DENND5A: variants seen among roughly 807,000 people sequenced by gnomAD.
The protein encoded by DENND5A is DENN domain-containing protein 5A.
A neutral mutation model predicts 140.3 loss-of-function variants in DENND5A; 64 were observed. That is an observed-to-expected ratio of 0.46 (90% CI 0.37 to 0.56). DENND5A has a LOEUF of 0.56. Among genes scored for constraint, DENND5A ranks in the 20% least tolerant of loss-of-function variants. DENND5A has a pLI of 0.00. For synonymous variants in DENND5A, 605 were observed against 607.7 expected (o/e 1.00, Z 0.07); for missense variants, 1,292 against 1,593.8 (o/e 0.81, Z 3.22).
intron 1 of DENND5A, among the ~76,000 whole-genome samples, chr11:9,251,107 C>G (rs1373820172): frequency 6.7e-6 from 1 of 149,858 alleles, no homozygotes; most frequent in Non-Finnish European, 1.5e-5. Flanking sequence ...TGCACTCCAG[C>G]CTGGGCAAGA....
intron 11 of DENND5A, among the ~76,000 whole-genome samples, chr11:9,164,056 GTTTTTTTTTTTTTTTT>G (rs768604681): frequency 6.4e-4 from 37 of 57,980 alleles, no homozygotes; most frequent in African/African-American, 2.2e-3. Flanking sequence ...TATTAATCAG[GTTTTTTTTTTTTTTTT>G]TTTTTTTTTT....
intron 1 of DENND5A, among the ~76,000 whole-genome samples, chr11:9,208,115 A>C (rs1003690649): frequency 6.6e-6 from 1 of 152,230 alleles, no homozygotes; most frequent in Non-Finnish European, 1.5e-5. Context: ...AGTGAAATCT[A>C]TACCTGTTTA....
At position 9,256,638 on chromosome 11, in the gene DENND5A, A is replaced by T. The variant is rs567639218; in HGVS notation, c.109+8323T>A. On this transcript the variant is annotated intron_variant, in intron 1 of 22. Coordinates refer to ENST00000328194, the MANE Select transcript of DENND5A (RefSeq NM_015213.4). The stretch of plus-strand genomic sequence containing the variant: ...TGCTAAGTGAAAGAAGCCAGTAACA[A>T]GAGACCACACATATTACTCCATTTA... Among the ~76,000 whole-genome samples the T allele has an allele frequency of 2.0e-5, 3 of 152,334 alleles. No individual in the cohort carries two copies. In the South Asian group the frequency reaches 6.2e-4, roughly 32 times the overall value.
intron 5 of DENND5A, among the ~76,000 whole-genome samples, chr11:9,191,529 C>A (rs116879027): frequency 6.6e-6 from 1 of 152,170 alleles, no homozygotes; most frequent in African/African-American, 2.4e-5. Context: ...CGTGAGCCAC[C>A]GCACCCGGCC....
rs113634568 is a variant in DENND5A at position 9,192,355 on chromosome 11, G to A, written c.1137+1139C>T. 5.8e-3 allele frequency among the ~76,000 whole-genome samples: 876 copies of A among 152,222 alleles called. 10 individuals carry two copies. Among genetic ancestry groups the A allele is most frequent in the African/African-American group, 0.02 (811 of 41,520 alleles). On this transcript the variant is annotated intron_variant, in intron 5 of 22. Transcript: ENST00000328194. ...CAAAAATCTCTACCCCCGGCCGGGC[G>A]CGGTGGCTCACGCCTGTAATCCCAG...
chr11:9,201,773 A>T (rs1329867265), intron 4 of DENND5A, among the ~76,000 whole-genome samples: 1 of 152,214 alleles, frequency 6.6e-6, no homozygotes, highest in Non-Finnish European at 1.5e-5. Context: ...TTAGGCATCC[A>T]TAAACTGCAA....
chr11:9,243,115 A>AAC (rs1564936267), intron 1 of DENND5A, among the ~76,000 whole-genome samples: 5 of 149,846 alleles, frequency 3.3e-5, no homozygotes, highest in Non-Finnish European at 3.0e-5. Context: ...CAAAAAAAAA[A>AAC]ACTGAGGCGA....
intron 1 of DENND5A, among the ~76,000 whole-genome samples, chr11:9,231,049 G>A (rs1189360408): frequency 6.6e-6 from 1 of 152,134 alleles, no homozygotes; most frequent in Non-Finnish European, 1.5e-5. Flanking sequence ...TGAGAGGAAT[G>A]AATGAGTTAA....
chr11:9,247,102 C>T (rs531374917), intron 1 of DENND5A, among the ~76,000 whole-genome samples: 28 of 152,012 alleles, frequency 1.8e-4, no homozygotes, highest in Non-Finnish European at 3.5e-4. Flanking sequence ...TGGTGGCAGG[C>T]GCCTGTAGTC....
At chr11:9,198,341 G>T (rs1405266251) in intron 4 of DENND5A, among the ~76,000 whole-genome samples, 2 of 151,380 alleles carry the variant, frequency 1.3e-5, no homozygotes, top group Non-Finnish European at 2.9e-5. Flanking sequence ...AGGGCTGGGC[G>T]CAGTGGCTCA....
chr11:9,198,609 CA>C (rs539954795), intron 4 of DENND5A, among the ~76,000 whole-genome samples: 8,969 of 131,916 alleles, frequency 0.068, 366 homozygotes, highest in South Asian at 0.12. Flanking sequence ...GACTCCACCT[CA>C]AAAAAAAAAA....
In DENND5A at chr11:9,264,922, C is replaced by T. The variant is rs561482492; in HGVS notation, c.109+39G>A. The T allele has an allele frequency of 9.5e-6, 14 of 1,474,954 alleles. No individual in the cohort carries two copies. In the Admixed American group the frequency reaches 2.4e-4, roughly 25 times the overall value. The allele number at this position is 1,474,954 out of a possible 1,614,324, so 91.4% of individuals were successfully genotyped here. A position where few individuals can be genotyped will look rare whatever the true frequency, so the allele number is the denominator to read the frequency against. On this transcript the variant is annotated intron_variant, in intron 1 of 22. Coordinates refer to ENST00000328194, the MANE Select transcript of DENND5A (RefSeq NM_015213.4). Reference sequence around the variant, plus strand: ...TTTCTTCTGGGGTCCCCGACGACAGCGGGCGCGGGAAAGCGCCCCGGGCTC... The same window carrying T: ...TTTCTTCTGGGGTCCCCGACGACAGTGGGCGCGGGAAAGCGCCCCGGGCTC...
At chr11:9,228,128 A>AAAAAAC (rs1554930495) in intron 1 of DENND5A, among the ~76,000 whole-genome samples, 1 of 150,496 alleles carries the variant, frequency 6.6e-6, no homozygotes, top group Admixed American at 6.7e-5. Flanking sequence ...AAAAAAAAAA[A>AAAAAAC]AAAACTTACA....
At chr11:9,207,323 C>CCCATTCCCCCTCCTAAAAACA in intron 2 of DENND5A, 1 of 519,986 alleles carries the variant, frequency 1.9e-6, no homozygotes, top group Non-Finnish European at 3.4e-6. Flanking sequence ...CTGGAATTGT[C>CCCATTCCCCCTCCTAAAAACA]CTTTGTTTTC....
At chr11:9,246,958 C>T (rs371277821) in intron 1 of DENND5A, among the ~76,000 whole-genome samples, 1 of 151,872 alleles carries the variant, frequency 6.6e-6, no homozygotes, top group African/African-American at 2.4e-5. Flanking sequence ...TGGCCGGGCG[C>T]GGTGGCTCAC....
intron 13 of DENND5A, among the ~76,000 whole-genome samples, chr11:9,151,238 C>T (rs2136124281): frequency 6.6e-6 from 1 of 152,296 alleles, no homozygotes; most frequent in East Asian, 1.9e-4. Flanking sequence ...CAAGAATGTT[C>T]TGGTTCTGTT....
chr11:9,179,368 A>G (rs1303137094), intron 6 of DENND5A, among the ~76,000 whole-genome samples: 1 of 152,142 alleles, frequency 6.6e-6, no homozygotes, highest in African/African-American at 2.4e-5. Flanking sequence ...AAAAGGTGCT[A>G]ATTATCTCAA....
chr11:9,186,364 T>A (rs1000742551), intron 5 of DENND5A, among the ~76,000 whole-genome samples: 1 of 152,224 alleles, frequency 6.6e-6, no homozygotes, highest in African/African-American at 2.4e-5. Flanking sequence ...TTAAATCATC[T>A]AGTCATGAAG....
At chr11:9,255,133 G>A (rs1053694547) in intron 1 of DENND5A, among the ~76,000 whole-genome samples, 1 of 152,112 alleles carries the variant, frequency 6.6e-6, no homozygotes, top group African/African-American at 2.4e-5. Context: ...TCTAGGATAT[G>A]CAAATTAAAA....
Sources: gnomAD v4.1 joint callset for allele counts (sites outside exome capture counted in the v4.1 genomes callset) on GRCh38, gnomAD v4.1.1 for gene constraint, MANE v1.5 for transcripts, NCBI Gene and HGNC (gene_info 2026-07-23, HGNC 2026-07-21) for gene names.